ASAP2: variants seen among roughly 807,000 people sequenced by gnomAD.
ASAP2 encodes the protein arf-GAP with SH3 domain, ANK repeat and PH domain-containing protein 2.
In ASAP2, 45 loss-of-function variants were observed where a neutral mutation model predicts 131.4. The observed-to-expected ratio is 0.34, with a 90% CI of 0.27 to 0.44. The LOEUF (loss-of-function observed/expected upper bound fraction) is 0.44. Among genes scored for constraint, ASAP2 ranks in the 20% least tolerant of loss-of-function variants. ASAP2 has a pLI of 1.00. For missense variants in ASAP2, 1,011 were observed against 1,297.0 expected (o/e 0.78, Z 3.39); for synonymous variants, 510 against 503.0 (o/e 1.01, Z -0.19).
intron 1 of ASAP2, among the ~76,000 whole-genome samples, chr2:9,229,223 G>A (rs1212320338): frequency 6.6e-6 from 1 of 152,174 alleles, no homozygotes; most frequent in African/African-American, 2.4e-5. Context: ...GGGCATACCT[G>A]CAGGGCTGGT....
rs116534449 is a variant in ASAP2, at chr2:9,323,272, G to A, written c.600+22G>A. Reference sequence around the variant, plus strand: ...CGAGGTAAGGCGGTGGTGAAGGCAGGTCCTACAGCCCAGGCTGTGCCGGCT... The same window carrying A: ...CGAGGTAAGGCGGTGGTGAAGGCAGATCCTACAGCCCAGGCTGTGCCGGCT... On this transcript the variant is annotated intron_variant, in intron 6 of 27. Coordinates refer to ENST00000281419, the MANE Select transcript of ASAP2 (RefSeq NM_003887.3). 5.4e-4 allele frequency: 868 copies of A among 1,613,822 alleles called. 7 individuals carry two copies. The African/African-American group carries it at 0.011, about 20-fold the overall frequency.
intron 23 of ASAP2, among the ~76,000 whole-genome samples, chr2:9,391,576 C>CTTTTTTT (rs397869342): frequency 1.5e-5 from 2 of 135,148 alleles, no homozygotes; most frequent in Admixed American, 7.4e-5. Flanking sequence ...TTTTCTTTTT[C>CTTTTTTT]TTTTTTTTTT....
intron 3 of ASAP2, among the ~76,000 whole-genome samples, chr2:9,315,652 C>T (rs1669616295): frequency 6.6e-6 from 1 of 152,166 alleles, no homozygotes; most frequent in Non-Finnish European, 1.5e-5. Flanking sequence ...ACCTGTCTGG[C>T]TGCCAGGACT....
At position 9,389,118 on chromosome 2, in the gene ASAP2, AC is replaced by A. The variant is rs1675523661; in HGVS notation, c.2383+573del. On this transcript the variant is annotated intron_variant, in intron 22 of 27. Coordinates refer to ENST00000281419, the MANE Select transcript of ASAP2 (RefSeq NM_003887.3). This position sits in a 1 kb window ranked among gnomAD's most constrained non-coding sequence, Gnocchi z 4.7. Reference sequence around the variant, plus strand: ...GCTGTAACCTGGAGGTTTTGACTCAACAGGTGACACTTTCTGTTTTTAGAAA... The same window carrying A: ...GCTGTAACCTGGAGGTTTTGACTCAAAGGTGACACTTTCTGTTTTTAGAAA... 6.6e-6 allele frequency among the ~76,000 whole-genome samples: 1 copy of A among 152,212 alleles called. No individual in the cohort carries two copies. Among genetic ancestry groups the A allele is most frequent in the African/African-American group, 2.4e-5 (1 of 41,454 alleles).
In ASAP2 at chr2:9,385,432, T is replaced by G; in HGVS notation, c.2130+74T>G. The stretch of plus-strand genomic sequence containing the variant: ...GAACAGTGTGGGTCCTAATCTGTAA[T>G]TAAGGCAGAAAGCTGTTTTATAGAA... On this transcript the variant is annotated intron_variant, in intron 21 of 27. Coordinates refer to ENST00000281419, the MANE Select transcript of ASAP2 (RefSeq NM_003887.3). The G allele has an allele frequency of 2.6e-6, 3 of 1,156,048 alleles. No individual in the cohort carries two copies. In the East Asian group the frequency reaches 7.1e-5, roughly 27 times the overall value. 71.6% of individuals were successfully genotyped at this position (1,156,048 alleles called of 1,614,324 possible). A position where few individuals can be genotyped will look rare whatever the true frequency, so the allele number is the denominator to read the frequency against.
rs774423539 is a variant in ASAP2, at chr2:9,208,411, G to GTT, written c.126+1195_126+1196dup. ...GCAATGGCGTTATTTTTTTTTTCTG[G>GTT]TTTTTTTTTTTTTTTCCCATTTGAA... On this transcript the variant is annotated intron_variant, in intron 1 of 27. Coordinates refer to ENST00000281419, the MANE Select transcript of ASAP2 (RefSeq NM_003887.3). 9.4e-4 allele frequency among the ~76,000 whole-genome samples: 122 copies of GTT among 130,236 alleles called. No individual in the cohort carries two copies. The Middle Eastern group carries it at 0.015, about 16-fold the overall frequency. 85.4% of individuals were successfully genotyped at this position (130,236 alleles called of 152,430 possible).
chr2:9,405,040 C>T lies in ASAP2; in HGVS notation c.*1713C>T, dbSNP rs1281091436. On this transcript the variant is annotated 3_prime_UTR_variant, in exon 28 of 28. Coordinates refer to ENST00000281419, the MANE Select transcript of ASAP2 (RefSeq NM_003887.3). Reference sequence around the variant, plus strand: ...TCCTCCTGCATCTGTATTTTATAGTCAGCCTTTTGACCACCTGGTGCCAGC... The same window carrying T: ...TCCTCCTGCATCTGTATTTTATAGTTAGCCTTTTGACCACCTGGTGCCAGC... The T allele has an allele frequency of 1.3e-5, 2 of 152,500 alleles. No individual in the cohort carries two copies. Among genetic ancestry groups the T allele is most frequent in the African/African-American group, 2.4e-5 (1 of 41,414 alleles). The allele number at this position is 152,500 out of a possible 1,614,324, so 9.4% of individuals were successfully genotyped here.
At chr2:9,245,184 A>G (rs1024253669) in intron 1 of ASAP2, among the ~76,000 whole-genome samples, 3 of 152,226 alleles carry the variant, frequency 2.0e-5, no homozygotes, top group Admixed American at 2.0e-4. Context: ...TTGGATGCAG[A>G]GAGCTGGGCT....
At chr2:9,397,883 T>C (rs1457606305) in intron 24 of ASAP2, among the ~76,000 whole-genome samples, 5 of 147,834 alleles carry the variant, frequency 3.4e-5, no homozygotes, top group African/African-American at 1.3e-4. Flanking sequence ...CTCAGCCTCC[T>C]GAGTAGCTGG....
chr2:9,225,577 A>C (rs1019688337), intron 1 of ASAP2, among the ~76,000 whole-genome samples: 1 of 152,178 alleles, frequency 6.6e-6, no homozygotes, highest in Non-Finnish European at 1.5e-5. Context: ...TGAGCATGTC[A>C]GTTGGAAATT....
chr2:9,270,730 C>T (rs1666288994), intron 1 of ASAP2, among the ~76,000 whole-genome samples: 1 of 150,946 alleles, frequency 6.6e-6, no homozygotes, highest in Admixed American at 6.6e-5. Flanking sequence ...CCTACCCTTC[C>T]CAGCCTCTGG....
intron 1 of ASAP2, among the ~76,000 whole-genome samples, chr2:9,239,917 G>A (rs566143530): frequency 1.5e-3 from 233 of 152,024 alleles, no homozygotes; most frequent in Non-Finnish European, 2.8e-3. Flanking sequence ...ATGAGTTTTT[G>A]TCATGTTTAA....
chr2:9,394,874 C>T (rs1425366913), intron 24 of ASAP2, among the ~76,000 whole-genome samples: 1 of 152,198 alleles, frequency 6.6e-6, no homozygotes, highest in African/African-American at 2.4e-5. Flanking sequence ...TGGTTGGACA[C>T]AGGAGGTGAC....
intron 21 of ASAP2, among the ~76,000 whole-genome samples, chr2:9,387,230 A>G (rs1315265816): frequency 6.6e-6 from 1 of 150,518 alleles, no homozygotes; most frequent in Non-Finnish European, 1.5e-5. Flanking sequence ...AAAAAAAACC[A>G]TATAACCTTC....
intron 16 of ASAP2, among the ~76,000 whole-genome samples, chr2:9,371,473 C>G (rs1233972472): frequency 6.6e-6 from 1 of 152,216 alleles, no homozygotes; most frequent in Non-Finnish European, 1.5e-5. Context: ...TCTGTGCCTG[C>G]TTAAATAAGC....
chr2:9,391,576 CTTT>C (rs397869342), intron 23 of ASAP2, among the ~76,000 whole-genome samples: 2 of 135,144 alleles, frequency 1.5e-5, no homozygotes, highest in Admixed American at 7.4e-5. Flanking sequence ...TTTTCTTTTT[CTTT>C]TTTTTTTTTT....
At chr2:9,280,466 T>C (rs1353171607) in intron 2 of ASAP2, among the ~76,000 whole-genome samples, 2 of 150,032 alleles carry the variant, frequency 1.3e-5, no homozygotes, top group African/African-American at 4.9e-5. Flanking sequence ...TAGCAGGAAA[T>C]CCCAGGTGCA....
intron 1 of ASAP2, among the ~76,000 whole-genome samples, chr2:9,238,846 C>CT (rs1334111782): frequency 1.3e-5 from 2 of 152,146 alleles, no homozygotes; most frequent in African/African-American, 4.8e-5. Flanking sequence ...GTTCTGGTGG[C>CT]TTTTTTGTAG....
intron 1 of ASAP2, among the ~76,000 whole-genome samples, chr2:9,269,900 C>G (rs1666221108): frequency 6.6e-6 from 1 of 152,214 alleles, no homozygotes. Flanking sequence ...CCACTGTCCC[C>G]ACACACTGTC....
Sources: gnomAD v4.1 joint callset for allele counts (sites outside exome capture counted in the v4.1 genomes callset) on GRCh38, gnomAD v4.1.1 for gene constraint, Gnocchi (gnomAD v3.1) non-coding constraint, MANE v1.5 for transcripts, NCBI Gene and HGNC (gene_info 2026-07-23, HGNC 2026-07-21) for gene names.